DENND2B: variants seen among roughly 807,000 people sequenced by gnomAD.
DENND2B encodes the protein DENN domain containing 2B.
In DENND2B, 32 loss-of-function variants were observed where a neutral mutation model predicts 116.0. The observed-to-expected ratio is 0.28, with a 90% CI of 0.21 to 0.37. DENND2B has a LOEUF of 0.37. Among genes scored for constraint, DENND2B ranks in the 10% least tolerant of loss-of-function variants. The pLI, the probability that DENND2B is intolerant of heterozygous loss-of-function variation, is 1.00. For synonymous variants in DENND2B, 588 were observed against 583.9 expected, an observed-to-expected ratio of 1.01 and a Z score of -0.10; for missense variants, 1,276 against 1,477.7, an observed-to-expected ratio of 0.86 and a Z score of 2.24.
At chr11:8,902,447 T>C (rs2064182489) in intron 1 of DENND2B, among the ~76,000 whole-genome samples, 1 of 152,228 alleles carries the variant, frequency 6.6e-6, no homozygotes, top group Non-Finnish European at 1.5e-5. Flanking sequence ...GTTAGGGTCA[T>C]GTACATTTGC....
rs1487453465 is a variant in DENND2B at position 8,730,186 on chromosome 11, G to C, written c.1104C>G (p.Ser368Arg). Residue 368 changes from serine (S) to arginine (R), a missense_variant, in exon 3 of 20, where the codon AGC becomes AGG. This residue lies in a region of DENND2B where 856 missense variants were observed against 846.6 expected (regional missense o/e 1.01). Transcript: ENST00000313726. The surrounding 1 kb of genome is among the most constrained non-coding windows in gnomAD (Gnocchi z 4.1). Reference sequence around the variant, plus strand: ...TCGATGGCAGCCGCTGGGAGCTAGGGCTATTTCCAGGGGTCCCGGGCTTAG... The same window carrying C: ...TCGATGGCAGCCGCTGGGAGCTAGGCCTATTTCCAGGGGTCCCGGGCTTAG... ...GSTKPGTPGN[S>R]PSSQRLPSKS... The C allele has an allele frequency of 3.2e-5, 51 of 1,613,840 alleles. No individual in the cohort carries two copies. Among genetic ancestry groups the C allele is most frequent in the Non-Finnish European group, 4.2e-5 (49 of 1,179,906 alleles).
At position 8,707,494 on chromosome 11, in the gene DENND2B, C is replaced by T. The variant is rs532885699; in HGVS notation, c.2431-269G>A. On this transcript the variant is annotated intron_variant, in intron 12 of 19. Transcript: ENST00000313726. The surrounding 1 kb of genome is among the most constrained non-coding windows in gnomAD (Gnocchi z 4.8). Reference sequence around the variant, plus strand: ...ACCACCCAAGAGTCAGCTCCCTGGGCGCTCCTGCTTCCCCAAGGACTCTGG... The same window carrying T: ...ACCACCCAAGAGTCAGCTCCCTGGGTGCTCCTGCTTCCCCAAGGACTCTGG... Among the ~76,000 whole-genome samples the T allele has an allele frequency of 5.9e-5, 9 of 152,344 alleles. No homozygotes were observed. The highest frequency in any genetic ancestry group is 2.1e-4 in the South Asian group (1 of 4,826).
At chr11:8,859,638 A>G (rs563087026) in intron 2 of DENND2B, among the ~76,000 whole-genome samples, 3 of 152,340 alleles carry the variant, frequency 2.0e-5, no homozygotes, top group Admixed American at 6.5e-5. Flanking sequence ...TTCATGGATT[A>G]TATCATGTAT....
chr11:8,748,317 T>C (rs896307206), intron 2 of DENND2B, among the ~76,000 whole-genome samples: 8 of 152,212 alleles, frequency 5.3e-5, no homozygotes, highest in African/African-American at 1.9e-4. Context: ...CAATCCAAGT[T>C]GTAAATACCT....
At chr11:8,858,776 G>C (rs576356928) in intron 2 of DENND2B, among the ~76,000 whole-genome samples, 1 of 152,276 alleles carries the variant, frequency 6.6e-6, no homozygotes, top group Admixed American at 6.5e-5. Flanking sequence ...ACCCAAACTA[G>C]GTCATTTCCT....
At chr11:8,885,455 T>C (rs968281848) in intron 1 of DENND2B, among the ~76,000 whole-genome samples, 2 of 104,518 alleles carry the variant, frequency 1.9e-5, no homozygotes, top group African/African-American at 7.9e-5. Flanking sequence ...ATGTGCATTG[T>C]TATTATATCT....
At chr11:8,862,952 A>T (rs1187046883) in intron 2 of DENND2B, among the ~76,000 whole-genome samples, 6 of 152,150 alleles carry the variant, frequency 3.9e-5, no homozygotes, top group Non-Finnish European at 7.3e-5. Context: ...AACCTGAAAT[A>T]GACAAAGGCT....
upstream of DENND2B, among the ~76,000 whole-genome samples, chr11:8,872,582 A>G (rs1189118104): frequency 6.6e-6 from 1 of 152,202 alleles, no homozygotes; most frequent in South Asian, 2.1e-4. Context: ...AAACTGATAA[A>G]GTCTACTGTT....
intron 1 of DENND2B, among the ~76,000 whole-genome samples, chr11:8,893,784 G>A (rs1173192466): frequency 1.3e-5 from 2 of 152,116 alleles, no homozygotes; most frequent in Non-Finnish European, 2.9e-5. Flanking sequence ...CATGCTCATG[G>A]ATAGGAAGAA....
chr11:8,856,472 G>A (rs1194769091), intron 3 of DENND2B, among the ~76,000 whole-genome samples: 22 of 152,312 alleles, frequency 1.4e-4, no homozygotes, highest in Non-Finnish European at 1.0e-4. Flanking sequence ...CATCAGCTCT[G>A]GTTGAAAACA....
intron 1 of DENND2B, among the ~76,000 whole-genome samples, chr11:8,891,014 TG>T (rs2064025248): frequency 6.6e-6 from 1 of 152,122 alleles, no homozygotes; most frequent in Admixed American, 6.6e-5. Context: ...ACCCTCAAAG[TG>T]AAGCCCATCA....
intron 6 of DENND2B, chr11:8,715,371 CTTTCCT>C: frequency 1.8e-6 from 1 of 556,272 alleles, no homozygotes. Context: ...CTCGGCTAGA[CTTTCCT>C]TCCTCTAACA....
rs745845680 is a variant in DENND2B at position 8,710,923 on chromosome 11, A to G, written c.2283-9T>C. On this transcript the variant is annotated splice_polypyrimidine_tract_variant and intron_variant, in intron 10 of 19. Coordinates refer to ENST00000313726, the MANE Select transcript of DENND2B (RefSeq NM_213618.2). ...TGAAAGAAAAGGTCTCACTGGAACA[A>G]AGAGAGGTCTGGCATCAGGGAGGTG... 1 of 1,614,060 alleles carries G rather than the reference A, an allele frequency of 6.2e-7. No individual in the cohort carries two copies. Among genetic ancestry groups the G allele is most frequent in the Admixed American group, 1.7e-5 (1 of 60,004 alleles).
At chr11:8,867,398 A>C (rs554306781) in intron 2 of DENND2B, among the ~76,000 whole-genome samples, 2 of 152,176 alleles carry the variant, frequency 1.3e-5, no homozygotes, top group Admixed American at 6.5e-5. Flanking sequence ...ACATCTCTAA[A>C]TCCTGGCTTT....
chr11:8,786,943 G>A (rs981419258), intron 1 of DENND2B: 9 of 152,126 alleles, frequency 5.9e-5, no homozygotes, highest in African/African-American at 2.2e-4. Flanking sequence ...CTCTTTACCA[G>A]TTATCTACTG....
rs2039853641 is a variant in DENND2B at position 8,693,948 on chromosome 11, G to A, written c.*148C>T. On this transcript the variant is annotated 3_prime_UTR_variant, in exon 20 of 20. Transcript: ENST00000313726. ...CAGATTATTTACAAACAGTATCCTG[G>A]GATATGATGAAGGCAGAGGTGGGCT... The A allele has an allele frequency of 2.8e-6, 2 of 710,614 alleles. No individual in the cohort carries two copies. The highest frequency in any genetic ancestry group is 4.8e-6 in the Non-Finnish European group (2 of 421,032). 44.0% of individuals were successfully genotyped at this position (710,614 alleles called of 1,614,324 possible). A position where few individuals can be genotyped will look rare whatever the true frequency, so the allele number is the denominator to read the frequency against.
upstream of DENND2B, among the ~76,000 whole-genome samples, chr11:8,875,308 G>A (rs2063830433): frequency 6.7e-6 from 1 of 149,560 alleles, no homozygotes; most frequent in Admixed American, 6.7e-5. Flanking sequence ...GGGCTACAGA[G>A]TGAGACTCAG....
At chr11:8,909,335 G>T (rs2064280055) in intron 1 of DENND2B, among the ~76,000 whole-genome samples, 1 of 152,182 alleles carries the variant, frequency 6.6e-6, no homozygotes, top group African/African-American at 2.4e-5. Context: ...CTGCACTTCA[G>T]CCTGGCTGAC....
chr11:8,716,601 C>T (rs186116509), intron 5 of DENND2B, among the ~76,000 whole-genome samples: 16 of 152,122 alleles, frequency 1.1e-4, no homozygotes, highest in Non-Finnish European at 2.4e-4. Flanking sequence ...TCTGGCAATG[C>T]AAACTCAGGG....
Sources: gnomAD v4.1 joint callset for allele counts (sites outside exome capture counted in the v4.1 genomes callset) on GRCh38, gnomAD v4.1.1 for gene constraint, gnomAD v4.1.1 regional missense constraint, Gnocchi (gnomAD v3.1) non-coding constraint, MANE v1.5 for transcripts, NCBI Gene and HGNC (gene_info 2026-07-23, HGNC 2026-07-21) for gene names.